The following SYNM variants were observed in gnomAD, a reference collection of about 807,000 sequenced individuals.
SYNM encodes desmuslin.
SYNM carries 95 observed loss-of-function variants against 104.0 expected under a neutral mutation model. The ratio of observed to expected loss-of-function variants is 0.91; its 90% CI spans 0.77 to 1.08. The LOEUF is 1.08. Among genes scored for constraint, SYNM ranks in the 50% least tolerant of loss-of-function variants. SYNM has a pLI of 0.00. For synonymous variants in SYNM, 918 were observed against 869.0 expected (o/e 1.06, Z -0.99); for missense variants, 2,150 against 2,052.2 (o/e 1.05, Z -0.92).
At chr15:99,108,151 T>G (rs1555483047) in intron 1 of SYNM, among the ~76,000 whole-genome samples, 1 of 152,058 alleles carries the variant, frequency 6.6e-6, no homozygotes, top group Non-Finnish European at 1.5e-5. Context: ...ATTTTTGTAT[T>G]TTTAGTAGAT....
chr15:99,110,841 G>A (rs1329892138), intron 1 of SYNM, among the ~76,000 whole-genome samples: 2 of 152,214 alleles, frequency 1.3e-5, no homozygotes, highest in African/African-American at 4.8e-5. Flanking sequence ...CGGGTGAGAT[G>A]TAGCGTCCCG....
chr15:99,138,309 TATTTTTTTA>T (rs1167833759), downstream of SYNM, among the ~76,000 whole-genome samples: 1 of 152,096 alleles, frequency 6.6e-6, no homozygotes, highest in African/African-American at 2.4e-5. Flanking sequence ...TCCCATCTTT[TATTTTTTTA>T]ATTTTTTTTT....
intron 1 of SYNM, 114 bp downstream of exon 1, chr15:99,106,123 G>A: frequency 8.6e-7 from 1 of 1,158,776 alleles, no homozygotes; most frequent in Non-Finnish European, 1.1e-6. Flanking sequence ...GTCGCGGACC[G>A]GTAGGGCCCG....
intron 2 of SYNM, among the ~76,000 whole-genome samples, chr15:99,117,242 C>T (rs563313713): frequency 2.6e-5 from 4 of 152,336 alleles, no homozygotes; most frequent in African/African-American, 9.6e-5. Flanking sequence ...CTTCCCACCA[C>T]GTGGCTGGGT....
Position 99,133,068 on chromosome 15 carries a change from A to G in SYNM, c.*10A>G, listed in dbSNP as rs2067530330. ...TGGGCATTGGTTTTAATAAGCAGAA[A>G]CATTTTGTTTTAATGGCAGCCTGTT... is the stretch of plus-strand genomic sequence containing the variant. On this transcript the variant is annotated 3_prime_UTR_variant, in exon 4 of 4. Transcript: ENST00000336292. 1 of 1,611,442 alleles carries G rather than the reference A, an allele frequency of 6.2e-7. No homozygotes were observed. Among genetic ancestry groups the G allele is most frequent in the Non-Finnish European group, 8.5e-7 (1 of 1,179,804 alleles).
intron 2 of SYNM, among the ~76,000 whole-genome samples, chr15:99,116,554 C>G (rs2067351427): frequency 6.9e-6 from 1 of 143,998 alleles, no homozygotes. Flanking sequence ...AATCGTGGTG[C>G]TGGCATCTGC....
chr15:99,124,740 C>A (rs1454555753), intron 2 of SYNM, among the ~76,000 whole-genome samples: 1 of 152,146 alleles, frequency 6.6e-6, no homozygotes, highest in African/African-American at 2.4e-5. Context: ...GAGCCGTATG[C>A]CCTTGACCAA....
intron 1 of SYNM, 99 bp downstream of exon 1, chr15:99,106,108 G>A: frequency 8.0e-7 from 1 of 1,255,032 alleles, no homozygotes; most frequent in Non-Finnish European, 1.0e-6. Flanking sequence ...CACCAGGGGC[G>A]CGGCGTCGCG....
chr15:99,139,320 G>C, downstream of SYNM: 1 of 1,612,526 alleles, frequency 6.2e-7, no homozygotes, highest in Admixed American at 1.7e-5. Flanking sequence ...AACTCACGTG[G>C]ACAGCATGCC....
Position 99,131,092 on chromosome 15 carries a change from C to T in SYNM, c.2732C>T (p.Ala911Val). Residue 911 changes from alanine to valine, a missense_variant, in exon 4 of 4, where the codon GCT becomes GTT. Transcript: ENST00000336292. This position sits in a 1 kb window ranked among gnomAD's most constrained non-coding sequence, Gnocchi z 4.3. The stretch of plus-strand genomic sequence containing the variant: ...GGTTCCACTCACTGGAAAGAACAAG[C>T]TAGAAGCGGTGAATTTCATGCCGAA... ...DLGSTHWKEQARSGEFHAEPT... is the reference protein window; with the variant it reads ...DLGSTHWKEQVRSGEFHAEPT... The T allele has an allele frequency of 6.2e-7, 1 of 1,603,964 alleles. No homozygotes were observed. The highest frequency in any genetic ancestry group is 1.7e-5 in the Admixed American group (1 of 58,132).
At chr15:99,106,354 A>G (rs143236244) in intron 1 of SYNM, among the ~76,000 whole-genome samples, 40 of 152,372 alleles carry the variant, frequency 2.6e-4, no homozygotes, top group African/African-American at 8.9e-4. Flanking sequence ...CCGTAGACTC[A>G]GTAGACCCAG....
rs2067228233 is a variant in SYNM, at chr15:99,105,650, G to A, written c.451G>A (p.Asp151Asn). The change falls in exon 1 of 4, where the codon GAC becomes AAC. Residue 151 changes from aspartate (D) to asparagine (N), a missense_variant. By Grantham distance (23) the Asp-to-Asn change is conservative. Transcript: ENST00000336292. ...RRGLDAAHERDVRELRARAAS... is the reference protein window; with the variant it reads ...RRGLDAAHERNVRELRARAAS... The stretch of plus-strand genomic sequence containing the variant: ...AGGCCTCGACGCGGCCCACGAACGC[G>A]ACGTGAGGGAGCTGCGCGCGCGCGC... The A allele has an allele frequency of 7.2e-7, 1 of 1,379,986 alleles. No homozygotes were observed. The highest frequency in any genetic ancestry group is 9.4e-7 in the Non-Finnish European group (1 of 1,067,244). 85.5% of individuals were successfully genotyped at this position (1,379,986 alleles called of 1,614,324 possible).
chr15:99,124,094 A>G (rs1243219178), intron 2 of SYNM, among the ~76,000 whole-genome samples: 1 of 152,242 alleles, frequency 6.6e-6, no homozygotes, highest in Non-Finnish European at 1.5e-5. Flanking sequence ...AAATGCCCAC[A>G]ATAGCCCATG....
chr15:99,127,643 A>G (rs888389097), intron 3 of SYNM, among the ~76,000 whole-genome samples: 2 of 152,246 alleles, frequency 1.3e-5, no homozygotes, highest in Non-Finnish European at 2.9e-5. Context: ...GGTCTTAGAC[A>G]ACATGCAGCA....
At chr15:99,139,067 G>A, downstream of SYNM, 3 of 542,722 alleles carry the variant, frequency 5.5e-6, no homozygotes, top group Middle Eastern at 5.3e-4. Flanking sequence ...TTAGCCTGCA[G>A]GGGCTGGTCT....
intron 1 of SYNM, among the ~76,000 whole-genome samples, chr15:99,109,950 G>T (rs1349742876): frequency 6.6e-6 from 1 of 152,174 alleles, no homozygotes; most frequent in Non-Finnish European, 1.5e-5. Context: ...GTTGGGGCCT[G>T]GCTGTGGCTT....
At position 99,131,534 on chromosome 15, in the gene SYNM, C is replaced by T. The variant is rs199717092; in HGVS notation, c.3174C>T (p.Ala1058=). ...GSPDEEGGAE[A]PAAGIRFRRW... ...CAGATGAGGAAGGTGGAGCGGAGGC[C>T]CCGGCTGCTGGCATTCGCTTTAGGC... is the stretch of plus-strand genomic sequence containing the variant. The change falls in exon 4 of 4, where the codon GCC becomes GCT. Residue 1058 remains alanine (A), a synonymous_variant. Transcript: ENST00000336292. This position sits in a 1 kb window ranked among gnomAD's most constrained non-coding sequence, Gnocchi z 4.3. 3.1e-4 allele frequency: 499 copies of T among 1,607,942 alleles called. No individual in the cohort carries two copies. In the African/African-American group the frequency reaches 5.7e-3, roughly 18 times the overall value.
Position 99,131,434 on chromosome 15 carries a change from G to A in SYNM, c.3074G>A (p.Ser1025Asn), listed in dbSNP as rs1555485878. ...GAGGAGCTGAGCAAAGATGAGGCCA[G>A]TGAGATGGAGAAGGCTGTGGAGTCG... ...DLEELSKDEA[S>N]EMEKAVESVV... The change falls in exon 4 of 4, where the codon AGT (serine) becomes AAT (asparagine). Residue 1025 changes from serine to asparagine, a missense_variant. Coordinates refer to ENST00000336292, the MANE Select transcript of SYNM (RefSeq NM_145728.3). The surrounding 1 kb of genome is among the most constrained non-coding windows in gnomAD (Gnocchi z 4.3). The A allele has an allele frequency of 1.2e-6, 2 of 1,609,646 alleles. No individual in the cohort carries two copies.
chr15:99,139,844 T>A (rs1266501499), downstream of SYNM: 8 of 969,122 alleles, frequency 8.3e-6, no homozygotes, highest in Non-Finnish European at 1.1e-5. Flanking sequence ...CACAGCAATG[T>A]CTTAGTTATT....
Sources: gnomAD v4.1 joint callset for allele counts (sites outside exome capture counted in the v4.1 genomes callset) on GRCh38, gnomAD v4.1.1 for gene constraint, Gnocchi (gnomAD v3.1) non-coding constraint, MANE v1.5 for transcripts, NCBI Gene and HGNC (gene_info 2026-07-23, HGNC 2026-07-21) for gene names.